STAG2: variants seen among roughly 807,000 people sequenced by gnomAD.
The protein encoded by STAG2 is cohesin subunit SA-2.
Under a neutral mutation model 108.1 loss-of-function variants are expected in STAG2, and 14 were observed. That is an observed-to-expected ratio of 0.13 (90% CI 0.09 to 0.20). STAG2 has a LOEUF of 0.20. Among genes scored for constraint, STAG2 ranks in the 10% least tolerant of loss-of-function variants. STAG2 has a pLI of 1.00. For synonymous variants in STAG2, 307 were observed against 302.7 expected (o/e 1.01, Z -0.15); for missense variants, 440 against 940.9 (o/e 0.47, Z 6.96).
At chrX:124,096,297 A>G (rs1460006937) in intron 34 of STAG2, among the ~76,000 whole-genome samples, 2 of 110,513 alleles carry the variant, frequency 1.8e-5, no homozygotes, top group East Asian at 2.8e-4. Flanking sequence ...CATGTATTCT[A>G]TGCTCTAGCC....
At chrX:124,004,939 G>A (rs1350331166) in intron 1 of STAG2, among the ~76,000 whole-genome samples, 1 of 111,129 alleles carries the variant, frequency 9.0e-6, no homozygotes, top group East Asian at 2.8e-4. Flanking sequence ...ATATACAGGT[G>A]TCCCTTGGTA....
intron 1 of STAG2, among the ~76,000 whole-genome samples, chrX:123,995,529 C>T (rs2055692406): frequency 1.8e-5 from 2 of 110,501 alleles, no homozygotes; most frequent in South Asian, 7.8e-4. Flanking sequence ...CCCGCCTCTA[C>T]TAAAAATACA....
rs762544520 is a variant in STAG2 at position 124,056,247 on chromosome X, T to G, written c.1304+12T>G. 2 of 1,129,409 alleles carry G rather than the reference T, an allele frequency of 1.8e-6. No individual in the cohort carries two copies. The allele number at this position is 1,129,409 out of a possible 1,213,427, so 93.1% of individuals were successfully genotyped here. On this transcript the variant is annotated intron_variant, in intron 14 of 34. Coordinates refer to ENST00000371145, the MANE Select transcript of STAG2 (RefSeq NM_001042750.2). ...TTTCTCTACAAAAAGTAAATCTATA[T>G]ATCTGTTACTCATTTTCTAAGGCAT...
chrX:124,080,653 A>G (rs768373204), intron 27 of STAG2, among the ~76,000 whole-genome samples: 15 of 109,550 alleles, frequency 1.4e-4, no homozygotes, highest in Non-Finnish European at 2.1e-4. Context: ...ATGCCACTGC[A>G]CTCCAGCCTG....
At chrX:124,098,617 T>C (rs991531045) in intron 34 of STAG2, among the ~76,000 whole-genome samples, 2 of 111,606 alleles carry the variant, frequency 1.8e-5, no homozygotes. Context: ...GGGAAGTAAC[T>C]CAAAGCACCC....
intron 1 of STAG2, among the ~76,000 whole-genome samples, chrX:123,963,615 A>AT (rs11393200): frequency 0.19 from 19,573 of 103,638 alleles, 1,595 homozygotes; most frequent in East Asian, 0.39. Context: ...TAAATAGTCG[A>AT]TTTTTTTTTT....
chrX:124,083,357 T>C, intron 28 of STAG2, 64 bp from the exon 29 acceptor site: 8 of 942,044 alleles, frequency 8.5e-6, no homozygotes, highest in Non-Finnish European at 1.1e-5. Flanking sequence ...TTTCCTAAGT[T>C]ATTGACTTTT....
At chrX:123,986,992 T>A (rs28594641) in intron 1 of STAG2, among the ~76,000 whole-genome samples, 68 of 108,241 alleles carry the variant, frequency 6.3e-4, no homozygotes, top group East Asian at 4.4e-3. Context: ...TAAAAAAAAA[T>A]TTTTTTTTTA....
At chrX:124,063,714 G>A in intron 19 of STAG2, 134 bp from the exon 20 acceptor site, 1 of 476,760 alleles carries the variant, frequency 2.1e-6, no homozygotes, top group Non-Finnish European at 3.6e-6. Flanking sequence ...GATTAGAAAA[G>A]CACCTTAAAA....
intron 4 of STAG2, among the ~76,000 whole-genome samples, chrX:124,030,175 G>T (rs1331807017): frequency 8.9e-6 from 1 of 111,942 alleles, no homozygotes; most frequent in East Asian, 2.8e-4. Context: ...GTTGAACTGA[G>T]TATAAGGTAC....
intron 4 of STAG2, among the ~76,000 whole-genome samples, chrX:124,028,794 TTA>T (rs56052834): frequency 0.014 from 1,051 of 74,998 alleles, 8 homozygotes; most frequent in Middle Eastern, 0.021. Context: ...TAAGAATAGT[TTA>T]TATATATATA....
At chrX:124,083,659 T>C (rs2059020794) in intron 29 of STAG2, 110 bp downstream of exon 29, 1 of 618,880 alleles carries the variant, frequency 1.6e-6, no homozygotes, top group Admixed American at 4.2e-5. Context: ...AGGATTGCAT[T>C]AATACACAAA....
chrX:124,056,090 G>A (rs2058186777), intron 13 of STAG2, 38 bp from the exon 14 acceptor site: 1 of 945,667 alleles, frequency 1.1e-6, no homozygotes, highest in Non-Finnish European at 1.5e-6. Context: ...TTAGAATTAG[G>A]ACGTTACTAA....
chrX:124,031,230 A>G (rs772200200), intron 5 of STAG2, 105 bp downstream of exon 5: 25 of 840,116 alleles, frequency 3.0e-5, no homozygotes, highest in Non-Finnish European at 3.9e-5. Flanking sequence ...AACATACACT[A>G]CTTATTAGAA....
chrX:124,084,552 A>G (rs2059051237), intron 29 of STAG2, among the ~76,000 whole-genome samples: 1 of 110,959 alleles, frequency 9.0e-6, no homozygotes, highest in East Asian at 2.8e-4. Context: ...TCGTGACCTC[A>G]GGTGATCTGT....
At chrX:124,041,447 G>A (rs1021863740) in intron 6 of STAG2, among the ~76,000 whole-genome samples, 18 of 109,824 alleles carry the variant, frequency 1.6e-4, no homozygotes, top group African/African-American at 5.6e-4. Context: ...ACAGATGCAT[G>A]CATATACAAA....
At position 124,011,100 on chromosome X, in the gene STAG2, T is replaced by G. The variant is rs768886001; in HGVS notation, c.-162-10267T>G. 1.3e-4 allele frequency among the ~76,000 whole-genome samples: 14 copies of G among 111,601 alleles called. No homozygotes were observed. In the South Asian group the frequency reaches 5.2e-3, roughly 42 times the overall value. ...TGTAGTTTTCAGTGTACAAGTCTTC[T>G]ACGTGCTTGGTTAGGTTTAGTATTT... On this transcript the variant is annotated intron_variant, in intron 1 of 34. Coordinates refer to ENST00000371145, the MANE Select transcript of STAG2 (RefSeq NM_001042750.2).
intron 1 of STAG2, among the ~76,000 whole-genome samples, chrX:123,971,243 A>G (rs1040990065): frequency 2.7e-5 from 3 of 111,610 alleles, no homozygotes; most frequent in Non-Finnish European, 5.7e-5. Context: ...AGCCTGGCCA[A>G]TATGGTGAAA....
intron 18 of STAG2, 58 bp from the exon 19 acceptor site, chrX:124,063,058 A>G (rs183059035): frequency 8.6e-7 from 1 of 1,166,040 alleles, no homozygotes; most frequent in East Asian, 3.0e-5. Flanking sequence ...AATGCCTCAC[A>G]GAATATTATA....
Sources: gnomAD v4.1 joint callset for allele counts (sites outside exome capture counted in the v4.1 genomes callset) on GRCh38, gnomAD v4.1.1 for gene constraint, MANE v1.5 for transcripts, NCBI Gene and HGNC (gene_info 2026-07-23, HGNC 2026-07-21) for gene names.